PCDHGA8: variants seen among roughly 807,000 people sequenced by gnomAD.
PCDHGA8 encodes the protein protocadherin gamma-A8.
PCDHGA8 carries 45 observed loss-of-function variants against 59.2 expected under a neutral mutation model. That is an observed-to-expected ratio of 0.76 (90% CI 0.60 to 0.98). PCDHGA8 has a LOEUF of 0.98. Ranked by LOEUF, PCDHGA8 falls within the 50% of genes least tolerant of loss-of-function variation. PCDHGA8 has a pLI of 0.00. For missense variants in PCDHGA8, 1,257 were observed against 1,196.2 expected (o/e 1.05, Z -0.75); for synonymous variants, 531 against 519.0 (o/e 1.02, Z -0.32).
chr5:141,504,380 C>T (rs943816582), intron 2 of PCDHGA8, among the ~76,000 whole-genome samples: 1 of 152,088 alleles, frequency 6.6e-6, no homozygotes, highest in African/African-American at 2.4e-5. Flanking sequence ...GGTGGAGTCG[C>T]TGCCTCACAG....
At chr5:141,434,830 C>A (rs7703679) in intron 1 of PCDHGA8, among the ~76,000 whole-genome samples, 45,467 of 151,546 alleles carry the variant, frequency 0.3, 8,050 homozygotes, top group African/African-American at 0.5. Flanking sequence ...GTACACTTGG[C>A]ATTTATAAAG....
chr5:141,392,818 C>T lies in PCDHGA8; in HGVS notation c.5C>T (p.Ala2Val), dbSNP rs1306076998. The part of the protein sequence containing the change: M[A>V]APQSRPRRGE... ...GGATTCTGCAGCAAAACAACAATGG[C>T]CGCTCCACAGAGTCGCCCCAGACGC... Residue 2 changes from alanine (A) to valine (V), a missense_variant, in exon 1 of 4, where the codon GCC (alanine) becomes GTC (valine). Coordinates refer to ENST00000398604, the MANE Select transcript of PCDHGA8 (RefSeq NM_032088.2). 6.3e-7 allele frequency: 1 copy of T among 1,589,068 alleles called. No individual in the cohort carries two copies. Among genetic ancestry groups the T allele is most frequent in the East Asian group, 2.2e-5 (1 of 44,528 alleles).
Position 141,403,164 on chromosome 5 carries a change from G to A in PCDHGA8, c.2424+7927G>A, listed in dbSNP as rs11575960. The A allele has an allele frequency of 4.9e-3, 7,986 of 1,614,050 alleles. 45 individuals are homozygous for A. Among genetic ancestry groups the A allele is most frequent in the Admixed American group, 9.4e-3 (567 of 60,028 alleles). The stretch of plus-strand genomic sequence containing the variant: ...CGAGTCCGCATCGTCTCTAGAGGTA[G>A]GACGCAGCTTTTCTCTCTGAACCCG... On this transcript the variant is annotated intron_variant, in intron 1 of 3. Coordinates refer to ENST00000398604, the MANE Select transcript of PCDHGA8 (RefSeq NM_032088.2).
At chr5:141,405,907 T>C (rs1471568204) in intron 1 of PCDHGA8, among the ~76,000 whole-genome samples, 2 of 152,218 alleles carry the variant, frequency 1.3e-5, no homozygotes, top group Non-Finnish European at 2.9e-5. Context: ...AGGAGGCATT[T>C]ATTAGTTATA....
At chr5:141,464,327 C>G (rs893319708) in intron 1 of PCDHGA8, among the ~76,000 whole-genome samples, 15 of 150,890 alleles carry the variant, frequency 9.9e-5, no homozygotes, top group African/African-American at 3.7e-4. Flanking sequence ...TCTGTTCAAC[C>G]CATCTATGAC....
At chr5:141,433,211 T>TC in intron 1 of PCDHGA8, 1 of 1,568,160 alleles carries the variant, frequency 6.4e-7, no homozygotes, top group Non-Finnish European at 8.6e-7. Context: ...CTTCTTTCTT[T>TC]TTTTTTTTTA....
intron 1 of PCDHGA8, among the ~76,000 whole-genome samples, chr5:141,452,137 GT>G (rs2098734666): frequency 6.6e-6 from 1 of 152,044 alleles, no homozygotes; most frequent in Non-Finnish European, 1.5e-5. Flanking sequence ...TGGCTCATGT[GT>G]TTTTTCCAAT....
At chr5:141,415,683 G>C in intron 1 of PCDHGA8, 1 of 1,517,194 alleles carries the variant, frequency 6.6e-7, no homozygotes, top group African/African-American at 1.4e-5. Flanking sequence ...TTTGCGGCAT[G>C]ATGGTGGAAA....
chr5:141,427,377 A>C, intron 1 of PCDHGA8: 1 of 458,500 alleles, frequency 2.2e-6, no homozygotes, highest in Non-Finnish European at 4.4e-6. Flanking sequence ...GACGGTGATC[A>C]CTCTGTTCAA....
chr5:141,474,962 A>G (rs954703806), intron 1 of PCDHGA8, among the ~76,000 whole-genome samples: 3 of 152,256 alleles, frequency 2.0e-5, no homozygotes, highest in Non-Finnish European at 4.4e-5. Flanking sequence ...CACTATCCTA[A>G]TCATTATAAT....
At chr5:141,507,557 C>T (rs959957585) in intron 3 of PCDHGA8, among the ~76,000 whole-genome samples, 5 of 152,250 alleles carry the variant, frequency 3.3e-5, no homozygotes, top group Middle Eastern at 3.4e-3. Flanking sequence ...AAGTGGCAGG[C>T]GGCTGGGTCT....
intron 1 of PCDHGA8, among the ~76,000 whole-genome samples, chr5:141,470,752 C>T (rs1427502169): frequency 6.6e-6 from 1 of 152,178 alleles, no homozygotes; most frequent in Non-Finnish European, 1.5e-5. Flanking sequence ...GGCTGGAGTG[C>T]AGTGGACTCA....
intron 2 of PCDHGA8, among the ~76,000 whole-genome samples, chr5:141,499,689 C>CTTTTTTT (rs545067566): frequency 3.3e-5 from 4 of 119,856 alleles, no homozygotes; most frequent in Admixed American, 8.7e-5. Context: ...TAACAGATGA[C>CTTTTTTT]TTTTTTTTTT....
At chr5:141,498,973 GA>G (rs1161965842) in intron 2 of PCDHGA8, among the ~76,000 whole-genome samples, 8 of 11,660 alleles carry the variant, frequency 6.9e-4, no homozygotes, top group Admixed American at 4.8e-3. Flanking sequence ...GGGAGGGAGG[GA>G]AGGAAGGAAG....
chr5:141,476,158 G>A lies in PCDHGA8; in HGVS notation c.2425-18649G>A. 2 of 1,612,868 alleles carry A rather than the reference G, an allele frequency of 1.2e-6. No homozygotes were observed. Among genetic ancestry groups the A allele is most frequent in the Non-Finnish European group, 1.7e-6 (2 of 1,179,894 alleles). On this transcript the variant is annotated intron_variant, in intron 1 of 3. Transcript: ENST00000398604. The surrounding 1 kb of genome is among the most constrained non-coding windows in gnomAD (Gnocchi z 7.6). ...GGAGGAGCGGACTGGTAAGCACCGGGAGGGTAGTGGGAGTTTTGCTTCTGC... is the reference window on the plus strand; with the variant it reads ...GGAGGAGCGGACTGGTAAGCACCGGAAGGGTAGTGGGAGTTTTGCTTCTGC...
intron 1 of PCDHGA8, chr5:141,422,118 ACAAACTGGAGAAGTT>A (rs1243312753): frequency 6.2e-7 from 1 of 1,604,312 alleles, no homozygotes; most frequent in Non-Finnish European, 8.5e-7. Flanking sequence ...AATTGGATTC[ACAAACTGGAGAAGTT>A]CAAGTACGGG....
intron 1 of PCDHGA8, chr5:141,430,441 C>A (rs1168234012): frequency 5.2e-6 from 1 of 192,346 alleles, no homozygotes; most frequent in Non-Finnish European, 1.0e-5. Flanking sequence ...GATTTCCATC[C>A]CCTTTTGAAG....
intron 1 of PCDHGA8, chr5:141,442,360 G>A (rs890049391): frequency 6.6e-6 from 1 of 152,272 alleles, no homozygotes; most frequent in African/African-American, 2.4e-5. Flanking sequence ...GTAGCTCTAT[G>A]ATGCCATATT....
chr5:141,430,480 A>G (rs2097288752), intron 1 of PCDHGA8: 1 of 256,116 alleles, frequency 3.9e-6, no homozygotes, highest in Admixed American at 5.4e-5. Context: ...TTAAGATATA[A>G]AAACGAAATA....
Sources: gnomAD v4.1 joint callset for allele counts (sites outside exome capture counted in the v4.1 genomes callset) on GRCh38, gnomAD v4.1.1 for gene constraint, Gnocchi (gnomAD v3.1) non-coding constraint, MANE v1.5 for transcripts, NCBI Gene and HGNC (gene_info 2026-07-23, HGNC 2026-07-21) for gene names.